The following GPRC5B variants were observed in gnomAD, a reference collection of about 807,000 sequenced individuals.
The protein encoded by GPRC5B is G protein-coupled receptor family C group 5 member B.
Under a neutral mutation model 30.1 loss-of-function variants are expected in GPRC5B, and 16 were observed. That is an observed-to-expected ratio of 0.53 (90% confidence interval 0.36 to 0.81). The LOEUF (loss-of-function observed/expected upper bound fraction) is 0.81, where lower values mean the gene tolerates loss of function less well. Among genes scored for constraint, GPRC5B ranks in the 30% least tolerant of loss-of-function variants. The probability of loss-of-function intolerance (pLI) is 0.01; values close to 1 mark genes in which losing one functional copy is unlikely to be tolerated. For synonymous variants in GPRC5B, 241 were observed against 239.5 expected (o/e 1.01, Z -0.06); for missense variants, 428 against 544.7 (o/e 0.79, Z 2.13).
chr16:19,864,909 T>G (rs1382848186), intron 2 of GPRC5B, among the ~76,000 whole-genome samples: 1 of 141,858 alleles, frequency 7.0e-6, no homozygotes, highest in South Asian at 2.2e-4. Context: ...TTGCCCGGTC[T>G]CATTTTTTTT....
chr16:19,885,382 T>C, upstream of GPRC5B: 1 of 1,178,022 alleles, frequency 8.5e-7, no homozygotes, highest in Non-Finnish European at 1.1e-6. The surrounding 1 kb of genome is among the most constrained non-coding windows in gnomAD (Gnocchi z 5.3). Context: ...GGTATACACC[T>C]AGGCGCACAC....
intron 2 of GPRC5B, among the ~76,000 whole-genome samples, chr16:19,869,306 C>T (rs922850919): frequency 6.8e-6 from 1 of 146,736 alleles, no homozygotes; most frequent in African/African-American, 2.6e-5. Flanking sequence ...TCCAGTCCAG[C>T]CTGGGTGACA....
intron 2 of GPRC5B, among the ~76,000 whole-genome samples, chr16:19,866,270 C>T (rs569413594): frequency 1.4e-4 from 22 of 152,218 alleles, no homozygotes; most frequent in African/African-American, 5.1e-4. Context: ...CTGGTTAAGA[C>T]GCACTCTGCC....
chr16:19,872,372 C>G lies in GPRC5B; in HGVS notation c.474G>C (p.Ala158=). ...GCGCCAGGCCCACCAGCTGCCAGCC[C>G]GCGGGGCCCGTGCCATGCCGCACCA... ...RRLVRHGTGP[A]GWQLVGLALC... The change falls in exon 2 of 4, where the codon GCG becomes GCC. Residue 158 remains alanine, a synonymous_variant. Transcript: ENST00000300571. This position sits in a 1 kb window ranked among gnomAD's most constrained non-coding sequence, Gnocchi z 5.0. 6.2e-7 allele frequency: 1 copy of G among 1,613,422 alleles called. No individual in the cohort carries two copies. The highest frequency in any genetic ancestry group is 1.1e-5 in the South Asian group (1 of 91,024).
In GPRC5B at chr16:19,872,719, G is replaced by T. The variant is rs777063396; in HGVS notation, c.127C>A (p.Pro43Thr). The T allele has an allele frequency of 5.0e-5, 80 of 1,613,780 alleles. No individual in the cohort carries two copies. Among genetic ancestry groups the T allele is most frequent in the Non-Finnish European group, 6.2e-5 (73 of 1,180,046 alleles). Residue 43 changes from proline to threonine, a missense_variant, in exon 2 of 4, where the codon CCT becomes ACT. By Grantham distance (38) the Pro-to-Thr change is conservative. Transcript: ENST00000300571. The surrounding 1 kb of genome is among the most constrained non-coding windows in gnomAD (Gnocchi z 5.0). Reference sequence around the variant, plus strand: ...AGGTCGCACAGGGACACGTACTGAGGGAGGAGGTCCAGCCCACAGCCTCGG... The same window carrying T: ...AGGTCGCACAGGGACACGTACTGAGTGAGGAGGTCCAGCCCACAGCCTCGG... The part of the protein sequence containing the change: ...TSRGCGLDLL[P>T]QYVSLCDLDA...
At chr16:19,880,004 T>C (rs2056791966) in intron 1 of GPRC5B, among the ~76,000 whole-genome samples, 1 of 150,870 alleles carries the variant, frequency 6.6e-6, no homozygotes, top group South Asian at 2.1e-4. Flanking sequence ...TGTGGTGGTG[T>C]GTGCCTGTAA....
In GPRC5B at chr16:19,860,507, AG is replaced by A; in HGVS notation, c.1204del (p.Leu402PhefsTer6). On this transcript the variant is annotated frameshift_variant, in exon 4 of 4. Transcript: ENST00000300571. LOFTEE classifies it high-confidence loss of function. ...TCTGGAACTTAAAGTCTTTCACCAA[AG>A]GTGTCTTCCTGTGTGACTTGGCGGA... Reference protein sequence around the residue: ...TAPPSHTGRHLW With the variant: ...TAPPSHTGRHXW 6.3e-7 allele frequency: 1 copy of A among 1,590,720 alleles called. No homozygotes were observed. The highest frequency in any genetic ancestry group is 8.6e-7 in the Non-Finnish European group (1 of 1,158,820).
chr16:19,861,931 C>A lies in GPRC5B; in HGVS notation c.1073G>T (p.Arg358Ile). Residue 358 changes from arginine (R) to isoleucine (I), a missense_variant, in exon 3 of 4, where the codon AGA becomes ATA. By Grantham distance (97) the Arg-to-Ile change is moderately conservative (BLOSUM62 -3). Transcript: ENST00000300571. ...AGFPNGSLGK[R>I]PSGSLGKRPS... ...TCTTTTCCCCAAGCTGCCACTGGGT[C>A]TTTTTCCCAAGCTGCCGTTGGGAAA... 1.9e-6 allele frequency: 3 copies of A among 1,613,760 alleles called. No individual in the cohort carries two copies. In the South Asian group the frequency reaches 3.3e-5, roughly 18 times the overall value.
chr16:19,861,004 G>C (rs1228727189), intron 3 of GPRC5B, among the ~76,000 whole-genome samples: 1 of 144,398 alleles, frequency 6.9e-6, no homozygotes, highest in African/African-American at 2.6e-5. Context: ...CCAAACCAAT[G>C]CAAACCAATG....
intron 2 of GPRC5B, among the ~76,000 whole-genome samples, chr16:19,864,032 T>C (rs1210319487): frequency 6.6e-6 from 1 of 152,118 alleles, no homozygotes; most frequent in East Asian, 1.9e-4. Flanking sequence ...TTTTATTACT[T>C]GCAACTTACT....
At chr16:19,870,504 C>T (rs1258644893) in intron 2 of GPRC5B, among the ~76,000 whole-genome samples, 4 of 152,292 alleles carry the variant, frequency 2.6e-5, no homozygotes, top group African/African-American at 9.6e-5. Flanking sequence ...CTGAGGCTCA[C>T]GAAAGTAATA....
rs765829170 is a variant in GPRC5B, at chr16:19,871,893, G to A, written c.953C>T (p.Thr318Met). 2.3e-5 allele frequency: 37 copies of A among 1,613,984 alleles called. No individual in the cohort carries two copies. The Admixed American group carries it at 4.0e-4, about 17-fold the overall frequency. ...CAGCTGCACGTCCTCCTCGAAGGCCGTCTCCCGCATCCTGGGCTGCGACGT... is the reference window on the plus strand; with the variant it reads ...CAGCTGCACGTCCTCCTCGAAGGCCATCTCCCGCATCCTGGGCTGCGACGT... ...FDTSQPRMRE[T>M]AFEEDVQLPR... is the part of the protein sequence containing the mutation. The change falls in exon 2 of 4, where the codon ACG (threonine) becomes ATG (methionine). Residue 318 changes from threonine (T) to methionine (M), a missense_variant. By Grantham distance (81) the Thr-to-Met change is moderately conservative. Around this residue, in one of 3 missense-constraint regions of GPRC5B, gnomAD observed 213 missense variants for 229.1 expected, o/e 0.93. Transcript: ENST00000300571.
chr16:19,884,726 C>T lies in GPRC5B; in HGVS notation c.-2+1G>A. 1.0e-6 allele frequency: 1 copy of T among 985,172 alleles called. No homozygotes were observed. The highest frequency in any genetic ancestry group is 1.2e-6 in the Non-Finnish European group (1 of 829,810). The allele number at this position is 985,172 out of a possible 1,614,324, so 61.0% of individuals were successfully genotyped here. On this transcript the variant is annotated splice_donor_variant, in intron 1 of 3. Coordinates refer to ENST00000300571, the MANE Select transcript of GPRC5B (RefSeq NM_016235.3). LOFTEE classifies it low-confidence loss of function (5UTR_SPLICE). ...ACTGCATCGGCGCAGCTCGCACTTA[C>T]CGACCCCCGCGGCCCCGCAGCGCCG...
intron 3 of GPRC5B, among the ~76,000 whole-genome samples, chr16:19,860,990 T>C (rs768975609): frequency 2.7e-5 from 4 of 149,250 alleles, no homozygotes; most frequent in Non-Finnish European, 4.4e-5. Flanking sequence ...TCTTTGAGCC[T>C]GTTCCAAACC....
upstream of GPRC5B, chr16:19,885,152 T>C: frequency 1.6e-6 from 2 of 1,225,204 alleles, no homozygotes; most frequent in Admixed American, 4.6e-5. This position sits in a 1 kb window ranked among gnomAD's most constrained non-coding sequence, Gnocchi z 5.3. Flanking sequence ...GCCGGGCAAC[T>C]CCCCAGGGTA....
intron 2 of GPRC5B, among the ~76,000 whole-genome samples, chr16:19,868,805 G>A (rs2056687446): frequency 1.3e-5 from 2 of 152,174 alleles, no homozygotes; most frequent in Admixed American, 6.5e-5. Flanking sequence ...CCATCCACGC[G>A]GGACAGAGGG....
intron 1 of GPRC5B, among the ~76,000 whole-genome samples, chr16:19,883,179 C>T (rs1690397): frequency 0.16 from 23,743 of 152,196 alleles, 2,004 homozygotes; most frequent in Non-Finnish European, 0.18. Flanking sequence ...CCAGTTCTGT[C>T]CCTGGCACGT....
At chr16:19,882,830 A>T (rs1164530971) in intron 1 of GPRC5B, among the ~76,000 whole-genome samples, 3 of 152,078 alleles carry the variant, frequency 2.0e-5, no homozygotes, top group African/African-American at 7.2e-5. Flanking sequence ...ATCTGCCTAC[A>T]GCTCCAGCCA....
intron 1 of GPRC5B, among the ~76,000 whole-genome samples, chr16:19,881,536 C>CT (rs1212969661): frequency 6.6e-6 from 1 of 152,198 alleles, no homozygotes; most frequent in Non-Finnish European, 1.5e-5. Context: ...AATCCCAGCA[C>CT]TTTAGGAGGC....
Sources: allele counts gnomAD v4.1 joint callset (sites outside exome capture counted in the v4.1 genomes callset), GRCh38; gene constraint gnomAD v4.1.1; regional missense constraint gnomAD v4.1.1; non-coding constraint Gnocchi (gnomAD v3.1); transcripts MANE v1.5; gene names NCBI Gene and HGNC (gene_info 2026-07-23, HGNC 2026-07-21).